C6orf141: variants seen among roughly 807,000 people sequenced by gnomAD.
The protein encoded by C6orf141 is chromosome 6 open reading frame 141.
For synonymous variants in C6orf141, 164 were observed against 140.5 expected, an observed-to-expected ratio of 1.17 and a Z score of -1.18; for missense variants, 361 against 335.8, an observed-to-expected ratio of 1.07 and a Z score of -0.59.
In C6orf141 at chr6:49,551,387, A is replaced by G. The variant is rs1463522745; in HGVS notation, c.595A>G (p.Arg199Gly). ...GACCGCGCTCACTTTTCGCAGCAGT[A>G]GAGAGGGACAGCCTGGGGAACGCTG... ...FVTALTFRSS[R>G]EGQPGERWGP... The change falls in exon 1 of 1, where the codon AGA becomes GGA. Residue 199 changes from arginine to glycine, a missense_variant. Arg to Gly is a moderately radical substitution (Grantham distance 125). Coordinates refer to ENST00000529246, the MANE Select transcript of C6orf141 (RefSeq NM_001145652.2). 1 of 1,551,616 alleles carries G rather than the reference A, an allele frequency of 6.4e-7. No individual in the cohort carries two copies. Among genetic ancestry groups the G allele is most frequent in the Non-Finnish European group, 8.7e-7 (1 of 1,146,964 alleles).
At chr6:49,557,107 G>A (rs1772099157) in intron 4 of C6orf141, among the ~76,000 whole-genome samples, 2 of 152,020 alleles carry the variant, frequency 1.3e-5, no homozygotes, top group South Asian at 4.2e-4. Context: ...TACAGAATTA[G>A]CCGAGGTGAT....
chr6:49,551,042 T>C lies in C6orf141; in HGVS notation c.250T>C (p.Trp84Arg), dbSNP rs1007384075. The C allele has an allele frequency of 6.4e-7, 1 of 1,551,484 alleles. No individual in the cohort carries two copies. The highest frequency in any genetic ancestry group is 8.7e-7 in the Non-Finnish European group (1 of 1,146,936). Residue 84 changes from tryptophan (W) to arginine (R), a missense_variant, in exon 1 of 1, where the codon TGG (tryptophan) becomes CGG (arginine). Physicochemically the swap from Trp to Arg is moderately radical, Grantham distance 101. Coordinates refer to ENST00000529246, the MANE Select transcript of C6orf141 (RefSeq NM_001145652.2). The stretch of plus-strand genomic sequence containing the variant: ...CGGGGAGGAATTGGACCGTGAGTCC[T>C]GGGTCAGAGAGAAAGTGCTCTTTCT... Reference protein sequence around the residue: ...RAGEELDRESWVREKVLFLLH... With the variant: ...RAGEELDRESRVREKVLFLLH...
downstream of C6orf141, chr6:49,554,767 C>T (rs570298890): frequency 1.8e-4 from 28 of 152,246 alleles, no homozygotes; most frequent in African/African-American, 6.7e-4. Flanking sequence ...GCTTACTCAA[C>T]TTCCCTATTA....
At chr6:49,556,675 A>G (rs1002669698), downstream of C6orf141, among the ~76,000 whole-genome samples, 1 of 152,220 alleles carries the variant, frequency 6.6e-6, no homozygotes, top group African/African-American at 2.4e-5. Flanking sequence ...AGGTGGAGCC[A>G]GAATTTGAAT....
intron 4 of C6orf141, chr6:49,560,861 T>C (rs1581914110): frequency 6.6e-6 from 1 of 152,318 alleles, no homozygotes; most frequent in Non-Finnish European, 1.5e-5. Context: ...AAAAAAAATT[T>C]GTTGTTCTAA....
chr6:49,561,098 G>A (rs75391776), intron 4 of C6orf141, among the ~76,000 whole-genome samples: 2,674 of 95,188 alleles, frequency 0.028, 243 homozygotes, highest in Admixed American at 0.25. Context: ...CATTGTGAGA[G>A]TAATTTTTTT....
downstream of C6orf141, among the ~76,000 whole-genome samples, chr6:49,554,440 G>T (rs947528055): frequency 2.0e-5 from 3 of 152,026 alleles, no homozygotes; most frequent in Non-Finnish European, 4.4e-5. Context: ...GAGTGCAGTG[G>T]CACGATCTCT....
chr6:49,551,654 TC>T lies in C6orf141; in HGVS notation c.*128del. The T allele has an allele frequency of 1.4e-6, 2 of 1,474,664 alleles. No homozygotes were observed. The highest frequency in any genetic ancestry group is 9.0e-7 in the Non-Finnish European group (1 of 1,116,436). 91.3% of individuals were successfully genotyped at this position (1,474,664 alleles called of 1,614,324 possible). The stretch of plus-strand genomic sequence containing the variant: ...CCTTTTGAGAGGCTGGTGCAGCGCT[TC>T]GGGGAGGCAGATTAAGAACTGTAAG... On this transcript the variant is annotated 3_prime_UTR_variant, in exon 1 of 1. Transcript: ENST00000529246.
downstream of C6orf141, chr6:49,555,333 A>T (rs985985656): frequency 3.3e-5 from 5 of 152,244 alleles, no homozygotes; most frequent in Non-Finnish European, 2.9e-5. Context: ...AAACAGTTGT[A>T]TACACTGCAT....
At chr6:49,552,104 G>C (rs1257393654), downstream of C6orf141, 2 of 252,798 alleles carry the variant, frequency 7.9e-6, no homozygotes, top group Non-Finnish European at 1.3e-5. Context: ...AAGGAGTTGG[G>C]GACAGAAGAC....
At chr6:49,561,455 T>C (rs1316038367) in intron 4 of C6orf141, among the ~76,000 whole-genome samples, 1 of 152,164 alleles carries the variant, frequency 6.6e-6, no homozygotes, top group Non-Finnish European at 1.5e-5. Context: ...AATCCTTATA[T>C]ATAAATACCT....
rs559570588 is a variant in C6orf141 at position 49,551,299 on chromosome 6, A to G, written c.507A>G (p.Gln169=). Residue 169 remains glutamine (Q), a synonymous_variant, in exon 1 of 1, where the codon CAA becomes CAG. Transcript: ENST00000529246. ...GGGTGGAGGATTATCAGGTAACACA[A>G]GAAGTGTTGCAGACCTCCTGGGCCA... ...LVRVEDYQVT[Q]EVLQTSWAKG... is the part of the protein sequence containing the mutation. 4.5e-5 allele frequency: 70 copies of G among 1,551,698 alleles called. 1 individual carries two copies. In the South Asian group the frequency reaches 8.0e-4, roughly 18 times the overall value.
chr6:49,557,587 G>T (rs7761036), intron 4 of C6orf141, among the ~76,000 whole-genome samples: 142,039 of 152,224 alleles, frequency 0.93, 66,688 homozygotes, highest in East Asian at 1. Flanking sequence ...GTAAATCTAA[G>T]AAAGATCCAG....
At chr6:49,557,577 G>A (rs1772202282) in intron 4 of C6orf141, among the ~76,000 whole-genome samples, 2 of 152,158 alleles carry the variant, frequency 1.3e-5, no homozygotes, top group Admixed American at 1.3e-4. Context: ...CCTTTGAAAT[G>A]TAAATCTAAG....
Position 49,550,873 on chromosome 6 carries a change from G to A in C6orf141, c.81G>A (p.Gly27=). The A allele has an allele frequency of 2.0e-6, 3 of 1,510,368 alleles. No individual in the cohort carries two copies. The highest frequency in any genetic ancestry group is 2.6e-6 in the Non-Finnish European group (3 of 1,132,698). 93.6% of individuals were successfully genotyped at this position (1,510,368 alleles called of 1,614,324 possible). Reference sequence around the variant, plus strand: ...CCATGGACTCCTCCCGCAGCCTGGGGGACCTCGGGCCTTTTCCGCGGGAGG... The same window carrying A: ...CCATGGACTCCTCCCGCAGCCTGGGAGACCTCGGGCCTTTTCCGCGGGAGG... The part of the protein sequence containing the change: ...ANPMDSSRSL[G]DLGPFPREVG... Residue 27 remains glycine (G), a synonymous_variant, in exon 1 of 1, where the codon GGG becomes GGA. Coordinates refer to ENST00000529246, the MANE Select transcript of C6orf141 (RefSeq NM_001145652.2).
chr6:49,558,059 G>GTTTTTTTTTTTTTTT (rs71002664), intron 4 of C6orf141, among the ~76,000 whole-genome samples: 4 of 97,800 alleles, frequency 4.1e-5, no homozygotes, highest in African/African-American at 1.6e-4. Context: ...ACTCAAATAT[G>GTTTTTTTTTTTTTTT]TTTTTTTTTT....
At position 49,559,236 on chromosome 6, in the gene C6orf141, A is replaced by T. The variant is rs1384612239; in HGVS notation, c.*764-2468A>T. Among the ~76,000 whole-genome samples the T allele has an allele frequency of 9.7e-5, 11 of 113,412 alleles. No individual in the cohort carries two copies. The East Asian group carries it at 2.5e-3, about 26-fold the overall frequency. 74.4% of individuals were successfully genotyped at this position (113,412 alleles called of 152,430 possible). Reference sequence around the variant, plus strand: ...TATATATATATATATATATATATTCAGTCTTTCATTTATGTTAGACCAATC... The same window carrying T: ...TATATATATATATATATATATATTCTGTCTTTCATTTATGTTAGACCAATC... On this transcript the variant is annotated intron_variant and NMD_transcript_variant, in intron 4 of 4. Coordinates refer to the C6orf141 transcript ENST00000371194.
chr6:49,552,359 CT>C (rs1770841571), downstream of C6orf141: 1 of 152,118 alleles, frequency 6.6e-6, no homozygotes, highest in Admixed American at 6.5e-5. Flanking sequence ...TACCATTCTC[CT>C]TGTGTAGTTC....
At chr6:49,558,326 G>A (rs1234787619) in intron 4 of C6orf141, among the ~76,000 whole-genome samples, 1 of 151,742 alleles carries the variant, frequency 6.6e-6, no homozygotes, top group Non-Finnish European at 1.5e-5. Context: ...TATTGGCATG[G>A]GGGGAGCTGG....
Sources: allele counts gnomAD v4.1 joint callset (sites outside exome capture counted in the v4.1 genomes callset), GRCh38; gene constraint gnomAD v4.1.1; transcripts MANE v1.5; gene names NCBI Gene and HGNC (gene_info 2026-07-23, HGNC 2026-07-21).